Variants in CSMD2 observed in about 807,000 individuals in gnomAD.
CSMD2 encodes the protein CUB and sushi domain-containing protein 2.
In CSMD2, 130 loss-of-function variants were observed where a neutral mutation model predicts 398.5. The ratio of observed to expected loss-of-function variants is 0.33; its 90% CI spans 0.28 to 0.38. The LOEUF is 0.38. Among genes scored for constraint, CSMD2 ranks in the 10% least tolerant of loss-of-function variants. The pLI is 1.00. For missense variants in CSMD2, 3,829 were observed against 4,764.9 expected (o/e 0.80, Z 5.78); for synonymous variants, 1,828 against 1,908.5 (o/e 0.96, Z 1.10).
At chr1:34,149,184 G>A (rs1332529549) in intron 1 of CSMD2, among the ~76,000 whole-genome samples, 1 of 152,090 alleles carries the variant, frequency 6.6e-6, no homozygotes, top group South Asian at 2.1e-4. Flanking sequence ...TTTCCCTGCT[G>A]AGCCCCTTGG....
chr1:33,912,799 T>A (rs1303377726), intron 5 of CSMD2, among the ~76,000 whole-genome samples: 1 of 152,118 alleles, frequency 6.6e-6, no homozygotes, highest in Non-Finnish European at 1.5e-5. Context: ...TAGAATCCTC[T>A]TCTGCTTTTC....
At chr1:33,917,031 G>A (rs1369548158) in intron 5 of CSMD2, among the ~76,000 whole-genome samples, 1 of 151,828 alleles carries the variant, frequency 6.6e-6, no homozygotes, top group Non-Finnish European at 1.5e-5. Flanking sequence ...TTTCTGCTCC[G>A]CTCAGAATCC....
At chr1:33,527,873 G>A (rs562176932) in intron 64 of CSMD2, among the ~76,000 whole-genome samples, 5 of 151,094 alleles carry the variant, frequency 3.3e-5, no homozygotes, top group South Asian at 4.2e-4. Flanking sequence ...CCTGGGAGGC[G>A]GAGCTTGCAG....
intron 25 of CSMD2, among the ~76,000 whole-genome samples, chr1:33,670,720 T>A (rs1202726379): frequency 1.3e-5 from 2 of 152,176 alleles, no homozygotes; most frequent in Non-Finnish European, 2.9e-5. Context: ...ATACTGATAG[T>A]CATACTTTAA....
intron 2 of CSMD2, among the ~76,000 whole-genome samples, chr1:34,086,754 G>A (rs1657929180): frequency 6.6e-6 from 1 of 152,098 alleles, no homozygotes; most frequent in Non-Finnish European, 1.5e-5. Context: ...TCCCCACGAT[G>A]GCAAAGGCCT....
intron 43 of CSMD2, 49 bp downstream of exon 43, chr1:33,602,320 C>T: frequency 2.5e-6 from 4 of 1,594,096 alleles, no homozygotes; most frequent in Non-Finnish European, 2.6e-6. Flanking sequence ...AGTGTAGAAC[C>T]CCAGTAATGC....
At position 33,820,504 on chromosome 1, in the gene CSMD2, T is replaced by A; in HGVS notation, c.1164A>T (p.Ile388=). 6.2e-7 allele frequency: 1 copy of A among 1,605,546 alleles called. No individual in the cohort carries two copies. Among genetic ancestry groups the A allele is most frequent in the Non-Finnish European group, 8.5e-7 (1 of 1,177,946 alleles). Residue 388 remains isoleucine (I), a synonymous_variant, in exon 8 of 71, where the codon ATA becomes ATT. Coordinates refer to ENST00000373381, the MANE Select transcript of CSMD2 (RefSeq NM_001281956.2). The part of the protein sequence containing the change: ...QGHNMCPDPG[I]PERGKRLGSD... ...AGCCTAGTCTTTTGCCCCTTTCGGG[T>A]ATGCCAGGGTCTGGACACATATTAT...
intron 27 of CSMD2, 108 bp from the exon 28 acceptor site, chr1:33,652,569 G>A (rs1643819121): frequency 7.6e-7 from 1 of 1,322,912 alleles, no homozygotes; most frequent in South Asian, 1.4e-5. Context: ...CTGACAGGCT[G>A]AAGTTGAACC....
At position 34,165,105 on chromosome 1, in the gene CSMD2, C is replaced by T. The variant is rs1462458444; in HGVS notation, c.-8G>A. On this transcript the variant is annotated 5_prime_UTR_variant, in exon 1 of 71. Coordinates refer to ENST00000373381, the MANE Select transcript of CSMD2 (RefSeq NM_001281956.2). Reference sequence around the variant, plus strand: ...TCCCCGCGAGCGCGGCATGGCGCGGCCGGCAGCGCCGAGGGAGAGGCTCCG... The same window carrying T: ...TCCCCGCGAGCGCGGCATGGCGCGGTCGGCAGCGCCGAGGGAGAGGCTCCG... The T allele has an allele frequency of 4.9e-6, 6 of 1,214,040 alleles. No homozygotes were observed. The African/African-American group carries it at 7.9e-5, about 16-fold the overall frequency. 75.2% of individuals were successfully genotyped at this position (1,214,040 alleles called of 1,614,324 possible). A position where few individuals can be genotyped will look rare whatever the true frequency, so the allele number is the denominator to read the frequency against.
chr1:33,677,565 C>T (rs910806682), intron 25 of CSMD2, among the ~76,000 whole-genome samples: 1 of 152,136 alleles, frequency 6.6e-6, no homozygotes, highest in Non-Finnish European at 1.5e-5. Context: ...CCTCAGGGAT[C>T]TAGAACTAGA....
In CSMD2 at chr1:33,567,685, TACACCAC is replaced by T; in HGVS notation, c.8281_8287del (p.Val2761ThrfsTer9). On this transcript the variant is annotated frameshift_variant, in exon 53 of 71. Transcript: ENST00000373381. LOFTEE classifies it high-confidence loss of function. ...CAGGCGGAAGCCAGCATTGCATTGG[TACACCAC>T]ACTGCCCCGGTAGCTGTAGTTCTCC... is the stretch of plus-strand genomic sequence containing the variant. 1 of 1,614,132 alleles carries T rather than the reference TACACCAC, an allele frequency of 6.2e-7. No homozygotes were observed. Among genetic ancestry groups the T allele is most frequent in the Non-Finnish European group, 8.5e-7 (1 of 1,180,022 alleles).
chr1:33,917,507 C>A (rs12081842), intron 5 of CSMD2, among the ~76,000 whole-genome samples: 2 of 152,142 alleles, frequency 1.3e-5, no homozygotes, highest in African/African-American at 4.8e-5. Context: ...TAACTCATAT[C>A]CTCCCTAACC....
intron 3 of CSMD2, among the ~76,000 whole-genome samples, chr1:34,003,866 C>T (rs1338356196): frequency 6.6e-6 from 1 of 152,200 alleles, no homozygotes; most frequent in African/African-American, 2.4e-5. Context: ...GGTCCGAGGC[C>T]TTTCAGGCTG....
chr1:34,071,588 A>G (rs1655738339), intron 2 of CSMD2, among the ~76,000 whole-genome samples: 1 of 152,192 alleles, frequency 6.6e-6, no homozygotes, highest in African/African-American at 2.4e-5. Flanking sequence ...GAAGAGGCAC[A>G]CATCATTTCC....
intron 22 of CSMD2, among the ~76,000 whole-genome samples, chr1:33,705,917 T>C (rs754810234): frequency 2.0e-5 from 3 of 151,960 alleles, no homozygotes; most frequent in African/African-American, 4.8e-5. Context: ...TCTGCTAGTA[T>C]TGTCTACTTT....
chr1:34,031,913 A>G (rs996314139), intron 3 of CSMD2, among the ~76,000 whole-genome samples: 1 of 152,184 alleles, frequency 6.6e-6, no homozygotes, highest in African/African-American at 2.4e-5. Flanking sequence ...GTCTTAGCCA[A>G]GAGTGGCATA....
chr1:34,162,782 C>T (rs1641471360), intron 1 of CSMD2, among the ~76,000 whole-genome samples: 2 of 152,092 alleles, frequency 1.3e-5, no homozygotes, highest in South Asian at 2.1e-4. Context: ...TCGCTTGAAC[C>T]CAGGAGGCGG....
intron 46 of CSMD2, among the ~76,000 whole-genome samples, chr1:33,585,761 CA>C (rs756490983): frequency 6.6e-6 from 1 of 152,208 alleles, no homozygotes; most frequent in Non-Finnish European, 1.5e-5. Context: ...CCTGTTTCCC[CA>C]TAGGCTACTG....
chr1:33,709,218 C>A lies in CSMD2; in HGVS notation c.3447G>T (p.Leu1149Phe). 6.2e-7 allele frequency: 1 copy of A among 1,613,958 alleles called. No individual in the cohort carries two copies. Among genetic ancestry groups the A allele is most frequent in the Non-Finnish European group, 8.5e-7 (1 of 1,179,938 alleles). ...AGTTCACAGGAAAGTTGGGGGACAG[C>A]AAAGTACCCTGAGTGCCTGTGACTG... ...GNSVTGTQGT[L>F]LSPNFPVNYN... The change falls in exon 22 of 71, where the codon TTG (leucine) becomes TTT (phenylalanine). Residue 1149 changes from leucine (L) to phenylalanine (F), a missense_variant. By Grantham distance (22) the Leu-to-Phe change is conservative. Around this residue, in one of 5 missense-constraint regions of CSMD2, gnomAD observed 2,001 missense variants for 2,567.1 expected, o/e 0.78. Transcript: ENST00000373381.
Sources: gnomAD v4.1 joint callset for allele counts (sites outside exome capture counted in the v4.1 genomes callset) on GRCh38, gnomAD v4.1.1 for gene constraint, gnomAD v4.1.1 regional missense constraint, MANE v1.5 for transcripts, NCBI Gene and HGNC (gene_info 2026-07-23, HGNC 2026-07-21) for gene names.